The following KAT6A variants were observed in gnomAD, a reference collection of about 807,000 sequenced individuals.
The protein encoded by KAT6A is histone acetyltransferase KAT6A.
Under a neutral mutation model 198.4 loss-of-function variants are expected in KAT6A, and 9 were observed. That is an observed-to-expected ratio of 0.05 (90% confidence interval 0.03 to 0.08). KAT6A has a LOEUF of 0.08. KAT6A is among the 10% of genes least tolerant of loss of function. The pLI is 1.00. For missense variants in KAT6A, 2,077 were observed against 2,509.9 expected, an observed-to-expected ratio of 0.83 and a Z score of 3.69; for synonymous variants, 890 against 883.0, an observed-to-expected ratio of 1.01 and a Z score of -0.14.
rs542502851 is a variant in KAT6A at position 42,011,652 on chromosome 8, A to C, written c.601-24089T>G. 4.8e-4 allele frequency among the ~76,000 whole-genome samples: 73 copies of C among 152,260 alleles called. 1 individual carries two copies. Among genetic ancestry groups the C allele is most frequent in the African/African-American group, 1.4e-3 (57 of 41,564 alleles). On this transcript the variant is annotated intron_variant, in intron 2 of 16. Coordinates refer to ENST00000265713, the MANE Select transcript of KAT6A (RefSeq NM_006766.5). ...CTACGCAGGAGGCTGAGGCAGGAGA[A>C]TCGCTTGAACCCAGGAAGCAGAGGT...
At position 41,957,135 on chromosome 8, in the gene KAT6A, T is replaced by C. The variant is rs748496092; in HGVS notation, c.1483-1724A>G. On this transcript the variant is annotated intron_variant, in intron 8 of 16. Coordinates refer to ENST00000265713, the MANE Select transcript of KAT6A (RefSeq NM_006766.5). ...CGGATGCCCGATGTGAAAGTGGATA[T>C]CCAGTTCCAGTACAGCTGTTTGCAC... 1.7e-4 allele frequency: 103 copies of C among 601,538 alleles called. No homozygotes were observed. In the Admixed American group the frequency reaches 1.9e-3, roughly 11 times the overall value. The allele number at this position is 601,538 out of a possible 1,614,324, so 37.3% of individuals were successfully genotyped here.
chr8:41,988,665 C>CTTTT (rs1824752053), intron 2 of KAT6A, among the ~76,000 whole-genome samples: 1 of 152,140 alleles, frequency 6.6e-6, no homozygotes, highest in African/African-American at 2.4e-5. Context: ...GGCTTAAAAC[C>CTTTT]AGTTTTGAGA....
chr8:41,957,227 C>A (rs756572227), intron 8 of KAT6A: 1 of 575,854 alleles, frequency 1.7e-6, no homozygotes, highest in Admixed American at 1.9e-5. Context: ...CCCACACCCG[C>A]CTTTAACCTT....
intron 2 of KAT6A, among the ~76,000 whole-genome samples, chr8:42,013,121 G>A (rs2150909974): frequency 6.6e-6 from 1 of 151,196 alleles, no homozygotes; most frequent in East Asian, 1.9e-4. Flanking sequence ...CTTGATTGTG[G>A]TGATTGGTTA....
intron 2 of KAT6A, among the ~76,000 whole-genome samples, chr8:42,033,785 T>C (rs1244969954): frequency 6.6e-6 from 1 of 152,144 alleles, no homozygotes; most frequent in Non-Finnish European, 1.5e-5. Context: ...TGGAAGATGC[T>C]TAATACATAT....
intron 2 of KAT6A, among the ~76,000 whole-genome samples, chr8:42,040,545 C>T (rs895402250): frequency 1.3e-5 from 2 of 151,512 alleles, no homozygotes; most frequent in Non-Finnish European, 2.9e-5. Flanking sequence ...ACCAGCCTGG[C>T]CAACGTGGCA....
intron 4 of KAT6A, among the ~76,000 whole-genome samples, chr8:41,981,460 T>C (rs1824353715): frequency 1.3e-5 from 2 of 152,188 alleles, no homozygotes; most frequent in African/African-American, 2.4e-5. Flanking sequence ...TAGTTTCAAG[T>C]ATATCCAATA....
chr8:42,039,849 T>G (rs1270179129), intron 2 of KAT6A, among the ~76,000 whole-genome samples: 2 of 151,770 alleles, frequency 1.3e-5, no homozygotes, highest in Admixed American at 6.6e-5. Flanking sequence ...TTCTCCTGCC[T>G]TAGCCTCCCA....
intron 1 of KAT6A, 127 bp from the exon 2 acceptor site, chr8:42,049,429 T>C (rs1169956763): frequency 5.3e-6 from 1 of 187,980 alleles, no homozygotes; most frequent in Non-Finnish European, 1.1e-5. Context: ...TCCAAACTTA[T>C]CTATTAATAT....
In KAT6A at chr8:41,991,105, T is replaced by C. The variant is rs1435497943; in HGVS notation, c.601-3542A>G. On this transcript the variant is annotated intron_variant, in intron 2 of 16. Coordinates refer to ENST00000265713, the MANE Select transcript of KAT6A (RefSeq NM_006766.5). ...AAAATGTTGACGTTATCTACTAAAA[T>C]TGAACATGTCCATACCACATGATCC... Among the ~76,000 whole-genome samples the C allele has an allele frequency of 2.0e-5, 3 of 151,674 alleles. No homozygotes were observed. The East Asian group carries it at 5.8e-4, about 29-fold the overall frequency.
Position 41,933,977 on chromosome 8 carries a change from T to A in KAT6A, c.4243A>T (p.Ile1415Phe), listed in dbSNP as rs1380458287. The change falls in exon 17 of 17, where the codon ATT (isoleucine) becomes TTT (phenylalanine). Residue 1415 changes from isoleucine to phenylalanine, a missense_variant. Ile to Phe is a conservative substitution (Grantham distance 21, BLOSUM62 0). Transcript: ENST00000265713. This position sits in a 1 kb window ranked among gnomAD's most constrained non-coding sequence, Gnocchi z 6.2. ...TCCAGATCCAGCTCACTATGAGGAATCTCTTCCTCCTCTTTTAATTCGATT... is the reference window on the plus strand; with the variant it reads ...TCCAGATCCAGCTCACTATGAGGAAACTCTTCCTCCTCTTTTAATTCGATT... ...ELIELKEEEE[I>F]PHSELDLETV... 27 of 1,613,866 alleles carry A rather than the reference T, an allele frequency of 1.7e-5. No individual in the cohort carries two copies. Among genetic ancestry groups the A allele is most frequent in the Non-Finnish European group, 2.3e-5 (27 of 1,179,984 alleles).
At chr8:42,031,038 A>AAGGGGGGGG (rs35595569) in intron 2 of KAT6A, among the ~76,000 whole-genome samples, 2 of 113,374 alleles carry the variant, frequency 1.8e-5, no homozygotes, top group African/African-American at 7.2e-5. Flanking sequence ...AAAAAAAAAA[A>AAGGGGGGGG]GGGGGGGGGG....
At chr8:41,980,191 G>T (rs923657094) in intron 5 of KAT6A, among the ~76,000 whole-genome samples, 1 of 151,878 alleles carries the variant, frequency 6.6e-6, no homozygotes, top group Admixed American at 6.6e-5. Context: ...TCTGGCTGAA[G>T]TTTTTTTTAA....
At chr8:42,020,948 TAAAG>T (rs1339986151) in intron 2 of KAT6A, among the ~76,000 whole-genome samples, 2 of 152,084 alleles carry the variant, frequency 1.3e-5, no homozygotes, top group African/African-American at 2.4e-5. Context: ...AGATATAAAA[TAAAG>T]ACTTATTTTA....
At chr8:41,942,447 C>A (rs1822187585) in intron 14 of KAT6A, 1 of 323,654 alleles carries the variant, frequency 3.1e-6, no homozygotes, top group Admixed American at 4.6e-5. Flanking sequence ...CACCCAACCT[C>A]CATTTCATTT....
At chr8:42,011,722 A>C (rs1826025733) in intron 2 of KAT6A, among the ~76,000 whole-genome samples, 1 of 152,016 alleles carries the variant, frequency 6.6e-6, no homozygotes, top group Admixed American at 6.6e-5. Context: ...CCTGGGCAAC[A>C]AGAGTGAAAC....
chr8:41,936,107 C>CA (rs1255163426), intron 16 of KAT6A, among the ~76,000 whole-genome samples: 1 of 151,836 alleles, frequency 6.6e-6, no homozygotes, highest in Admixed American at 6.6e-5. Flanking sequence ...ACTAAAAATA[C>CA]AAAAATTAGC....
intron 2 of KAT6A, among the ~76,000 whole-genome samples, chr8:42,016,974 G>T (rs1159248019): frequency 6.6e-6 from 1 of 151,830 alleles, no homozygotes; most frequent in African/African-American, 2.4e-5. Flanking sequence ...AATAGTTTAA[G>T]CCACTACTTC....
chr8:41,951,313 C>T (rs1327367991), intron 9 of KAT6A, among the ~76,000 whole-genome samples: 2 of 151,930 alleles, frequency 1.3e-5, no homozygotes, highest in East Asian at 3.9e-4. Context: ...ACCAAGCCCA[C>T]TGGGATGATA....
Sources: gnomAD v4.1 joint callset for allele counts (sites outside exome capture counted in the v4.1 genomes callset) on GRCh38, gnomAD v4.1.1 for gene constraint, Gnocchi (gnomAD v3.1) non-coding constraint, MANE v1.5 for transcripts, NCBI Gene and HGNC (gene_info 2026-07-23, HGNC 2026-07-21) for gene names.